Variants in ZNF273 observed in about 807,000 individuals in gnomAD.
The protein encoded by ZNF273 is zinc finger protein 9.
In ZNF273, 11 loss-of-function variants were observed where a neutral mutation model predicts 14.9. The ratio of observed to expected loss-of-function variants is 0.74; its 90% CI spans 0.46 to 1.22. ZNF273 has a LOEUF of 1.22. Ranked by LOEUF, ZNF273 falls within the 50% of genes most tolerant of loss-of-function variation. The pLI, the probability that ZNF273 is intolerant of heterozygous loss-of-function variation, is 0.00. For synonymous variants in ZNF273, 199 were observed against 223.9 expected, an observed-to-expected ratio of 0.89 and a Z score of 0.99; for missense variants, 577 against 660.6, an observed-to-expected ratio of 0.87 and a Z score of 1.39.
intron 1 of ZNF273, among the ~76,000 whole-genome samples, chr7:64,886,760 G>A (rs944408603): frequency 2.0e-5 from 3 of 152,222 alleles, no homozygotes; most frequent in Non-Finnish European, 4.4e-5. Flanking sequence ...GGGCACACCT[G>A]CATGAGGTGA....
chr7:64,928,229 G>GT lies in ZNF273; in HGVS notation c.902dup (p.Phe302IlefsTer6). Reference sequence around the variant, plus strand: ...TGAAGATTGTGGCAAAGTCTTTAGTGTATTTTCAGTCCTTACTAAACATAA... The same window carrying GT: ...TGAAGATTGTGGCAAAGTCTTTAGTGTTATTTTCAGTCCTTACTAAACATAA... On this transcript the variant is annotated frameshift_variant, in exon 4 of 4. Transcript: ENST00000476120. LOFTEE classifies it low-confidence loss of function (END_TRUNC). 6.2e-7 allele frequency: 1 copy of GT among 1,612,974 alleles called. No individual in the cohort carries two copies.
downstream of ZNF273, among the ~76,000 whole-genome samples, chr7:64,881,505 C>CT (rs1450041550): frequency 6.6e-6 from 1 of 152,238 alleles, no homozygotes; most frequent in Non-Finnish European, 1.5e-5. Context: ...TTTCCCACTT[C>CT]TATCAGAGGG....
intron 1 of ZNF273, among the ~76,000 whole-genome samples, chr7:64,904,347 C>T (rs1234745589): frequency 6.6e-6 from 1 of 152,220 alleles, no homozygotes; most frequent in South Asian, 2.1e-4. Flanking sequence ...GCCTCCGCCT[C>T]CCAAAGTGCT....
downstream of ZNF273, among the ~76,000 whole-genome samples, chr7:64,881,831 A>T (rs1366147363): frequency 6.6e-6 from 1 of 152,140 alleles, no homozygotes; most frequent in African/African-American, 2.4e-5. Context: ...CAAACCCTCT[A>T]GTTCTGCCAG....
chr7:64,915,604 G>A (rs11766146), intron 1 of ZNF273, among the ~76,000 whole-genome samples: 55,153 of 152,108 alleles, frequency 0.36, 10,684 homozygotes, highest in South Asian at 0.44. Flanking sequence ...GCGGTTTTCC[G>A]CCCTGGGTGG....
At chr7:64,880,527 C>A (rs1791215359), downstream of ZNF273, among the ~76,000 whole-genome samples, 1 of 151,820 alleles carries the variant, frequency 6.6e-6, no homozygotes, top group African/African-American at 2.4e-5. Context: ...TGTCTGTGTG[C>A]CTGTATGTGG....
At chr7:64,878,797 T>C (rs1476336213) in intron 2 of ZNF273, among the ~76,000 whole-genome samples, 1 of 152,234 alleles carries the variant, frequency 6.6e-6, no homozygotes, top group Admixed American at 6.5e-5. Flanking sequence ...GACTTCCCTT[T>C]TCCTGACTTC....
At chr7:64,892,680 C>T (rs1792107763), downstream of ZNF273, among the ~76,000 whole-genome samples, 1 of 152,142 alleles carries the variant, frequency 6.6e-6, no homozygotes, top group Non-Finnish European at 1.5e-5. Flanking sequence ...GCAGGATCCA[C>T]AGTGAAATGC....
intron 1 of ZNF273, among the ~76,000 whole-genome samples, chr7:64,913,491 C>T (rs1793718783): frequency 6.6e-6 from 1 of 151,574 alleles, no homozygotes; most frequent in South Asian, 2.1e-4. Context: ...GCTTAATAAA[C>T]ATTGCAGTAG....
chr7:64,895,841 G>A (rs1792333991), intron 3 of ZNF273, among the ~76,000 whole-genome samples: 1 of 152,126 alleles, frequency 6.6e-6, no homozygotes. Context: ...AAATCAACTG[G>A]AAGGCATTTT....
At chr7:64,924,893 C>T (rs1255596908) in intron 3 of ZNF273, among the ~76,000 whole-genome samples, 1 of 151,834 alleles carries the variant, frequency 6.6e-6, no homozygotes, top group African/African-American at 2.4e-5. Context: ...ACTTCCGCCT[C>T]CCAGGTTCAA....
At chr7:64,903,764 C>G (rs1792897854) in intron 1 of ZNF273, among the ~76,000 whole-genome samples, 1 of 152,190 alleles carries the variant, frequency 6.6e-6, no homozygotes, top group Admixed American at 6.5e-5. Flanking sequence ...TTCCCAGACC[C>G]TCCTTTTTTC....
intron 3 of ZNF273, among the ~76,000 whole-genome samples, chr7:64,895,243 T>C (rs973574077): frequency 1.3e-5 from 2 of 152,264 alleles, no homozygotes; most frequent in African/African-American, 4.8e-5. Context: ...AGTCTGGGGA[T>C]AGTGAATTAA....
At chr7:64,916,568 A>G (rs1345187019) in intron 1 of ZNF273, among the ~76,000 whole-genome samples, 6 of 149,826 alleles carry the variant, frequency 4.0e-5, no homozygotes, top group African/African-American at 1.5e-4. Flanking sequence ...AAAAAAAACC[A>G]TACACACAAA....
At chr7:64,914,748 G>A (rs371403847) in intron 1 of ZNF273, among the ~76,000 whole-genome samples, 1 of 152,242 alleles carries the variant, frequency 6.6e-6, no homozygotes, top group East Asian at 1.9e-4. Flanking sequence ...GAAACGGGCG[G>A]GCTTTATCTG....
chr7:64,923,943 T>C (rs951906612), intron 3 of ZNF273: 4 of 152,376 alleles, frequency 2.6e-5, no homozygotes, highest in African/African-American at 9.6e-5. Context: ...TGTTAGGTAC[T>C]TTATTGTCTC....
intron 3 of ZNF273, among the ~76,000 whole-genome samples, chr7:64,921,605 C>CCTTTTTTTT (rs1794451548): frequency 3.5e-5 from 2 of 57,930 alleles, no homozygotes; most frequent in African/African-American, 1.3e-4. Flanking sequence ...CATGCTAATG[C>CCTTTTTTTT]TTTTTTTTTT....
At chr7:64,902,587 A>G (rs62455117), upstream of ZNF273, among the ~76,000 whole-genome samples, 5,926 of 152,280 alleles carry the variant, frequency 0.039, 181 homozygotes, top group East Asian at 0.15. Flanking sequence ...AAAATTAGCC[A>G]GCTACTCTGG....
chr7:64,916,899 CTTTA>C, intron 1 of ZNF273: 1 of 772,536 alleles, frequency 1.3e-6, no homozygotes, highest in Non-Finnish European at 1.7e-6. Flanking sequence ...TTTTTCTCTT[CTTTA>C]TTAAGTATCT....
Sources: gnomAD v4.1 joint callset for allele counts (sites outside exome capture counted in the v4.1 genomes callset) on GRCh38, gnomAD v4.1.1 for gene constraint, MANE v1.5 for transcripts, NCBI Gene and HGNC (gene_info 2026-07-23, HGNC 2026-07-21) for gene names.